Variants in TMEM132D observed in about 807,000 individuals in gnomAD.
TMEM132D encodes transmembrane protein 132D.
A neutral mutation model predicts 62.3 loss-of-function variants in TMEM132D; 21 were observed. The observed-to-expected ratio is 0.34, with a 90% CI of 0.24 to 0.49. TMEM132D has a LOEUF of 0.49. Ranked by LOEUF, TMEM132D falls within the 20% of genes least tolerant of loss-of-function variation. The pLI is 0.99. For synonymous variants in TMEM132D, 621 were observed against 575.6 expected (o/e 1.08, Z -1.13); for missense variants, 1,346 against 1,402.8 (o/e 0.96, Z 0.65).
At chr12:129,493,670 T>G (rs1366137124) in intron 3 of TMEM132D, among the ~76,000 whole-genome samples, 1 of 152,226 alleles carries the variant, frequency 6.6e-6, no homozygotes, top group African/African-American at 2.4e-5. Context: ...GGCTCTATTC[T>G]AAGCACAAGA....
chr12:129,805,089 T>A (rs1871935240), intron 1 of TMEM132D, among the ~76,000 whole-genome samples: 1 of 149,414 alleles, frequency 6.7e-6, no homozygotes, highest in Non-Finnish European at 1.5e-5. Flanking sequence ...GTAGGAAGAA[T>A]CAATATCGTG....
intron 3 of TMEM132D, among the ~76,000 whole-genome samples, chr12:129,475,587 G>T (rs925085467): frequency 8.5e-5 from 13 of 152,204 alleles, no homozygotes; most frequent in Non-Finnish European, 1.5e-5. Context: ...CAAATATTTT[G>T]TTTTGCCTTC....
chr12:129,787,507 A>C (rs1871276985), intron 1 of TMEM132D, among the ~76,000 whole-genome samples: 1 of 152,222 alleles, frequency 6.6e-6, no homozygotes, highest in Non-Finnish European at 1.5e-5. Flanking sequence ...ATCTACAGAA[A>C]GAGCGAAGTT....
rs145794212 is a variant in TMEM132D at position 129,302,166 on chromosome 12, G to A, written c.1299+35468C>T. Among the ~76,000 whole-genome samples the A allele has an allele frequency of 3.0e-3, 458 of 152,320 alleles. 1 individual carries two copies. Among genetic ancestry groups the A allele is most frequent in the Middle Eastern group, 6.8e-3 (2 of 294 alleles). ...AGTCTTGCTCTCTTGCCAGGCTGGC[G>A]TGCAATGGCATGATCTCGGCTCACT... On this transcript the variant is annotated intron_variant, in intron 4 of 8. Transcript: ENST00000422113.
chr12:129,078,460 C>T (rs528746524), intron 8 of TMEM132D, 74 bp downstream of exon 8: 67 of 1,478,034 alleles, frequency 4.5e-5, no homozygotes, highest in Admixed American at 1.4e-4. Context: ...ACCCGCCTGG[C>T]GTGGTGCCTG....
In TMEM132D at chr12:129,646,800, A is replaced by ATTT. The variant is rs35593697; in HGVS notation, c.968+53007_968+53009dup. On this transcript the variant is annotated intron_variant, in intron 2 of 8. Coordinates refer to ENST00000422113, the MANE Select transcript of TMEM132D (RefSeq NM_133448.3). The stretch of plus-strand genomic sequence containing the variant: ...ATAAACACACATATAAATAACATGC[A>ATTT]TTTTTTTTTTTTTTTTGATATGGAG... Among the ~76,000 whole-genome samples, 138 of 135,758 alleles carry ATTT rather than the reference A, an allele frequency of 1.0e-3. 2 individuals are homozygous for ATTT. The highest frequency in any genetic ancestry group is 2.9e-3 in the African/African-American group (107 of 36,904). The allele number at this position is 135,758 out of a possible 152,430, so 89.1% of individuals were successfully genotyped here.
chr12:129,654,498 C>T (rs965395004), intron 2 of TMEM132D, among the ~76,000 whole-genome samples: 7 of 152,122 alleles, frequency 4.6e-5, no homozygotes, highest in African/African-American at 1.7e-4. Context: ...TTTCTTCCCC[C>T]CTAATAACCA....
intron 1 of TMEM132D, among the ~76,000 whole-genome samples, chr12:129,805,766 T>C (rs1372368774): frequency 6.7e-6 from 1 of 148,732 alleles, no homozygotes; most frequent in Admixed American, 6.7e-5. Flanking sequence ...ACCTACAGAA[T>C]GGGAGAAAAT....
intron 4 of TMEM132D, among the ~76,000 whole-genome samples, chr12:129,320,110 G>A (rs1464593098): frequency 6.6e-6 from 1 of 152,180 alleles, no homozygotes; most frequent in Non-Finnish European, 1.5e-5. Context: ...TCCAAAAAGA[G>A]TCACAGAGAG....
chr12:129,114,110 C>T (rs1875811138), intron 5 of TMEM132D, among the ~76,000 whole-genome samples: 2 of 152,172 alleles, frequency 1.3e-5, no homozygotes, highest in Non-Finnish European at 2.9e-5. Context: ...GTTGTCCATG[C>T]ATAGAAGGTA....
intron 3 of TMEM132D, among the ~76,000 whole-genome samples, chr12:129,414,908 A>G (rs1872071402): frequency 6.6e-6 from 1 of 152,164 alleles, no homozygotes; most frequent in Admixed American, 6.5e-5. Context: ...CATATAGGTG[A>G]GATCATGCCG....
chr12:129,340,501 C>T (rs899027474), intron 3 of TMEM132D, among the ~76,000 whole-genome samples: 6 of 150,432 alleles, frequency 4.0e-5, no homozygotes, highest in African/African-American at 1.5e-4. Flanking sequence ...TGTTCCCCTT[C>T]CTGTGTCCAT....
chr12:129,572,845 G>A (rs2137120710), intron 2 of TMEM132D, among the ~76,000 whole-genome samples: 1 of 152,184 alleles, frequency 6.6e-6, no homozygotes, highest in Non-Finnish European at 1.5e-5. Context: ...TCTGAGGAAA[G>A]CCAATTTCGT....
chr12:129,793,670 T>C (rs1262451090), intron 1 of TMEM132D, among the ~76,000 whole-genome samples: 1 of 152,204 alleles, frequency 6.6e-6, no homozygotes, highest in Non-Finnish European at 1.5e-5. Flanking sequence ...CTAGCCAGGA[T>C]AGGAATATTT....
At chr12:129,358,393 A>G (rs2135672818) in intron 3 of TMEM132D, among the ~76,000 whole-genome samples, 1 of 152,302 alleles carries the variant, frequency 6.6e-6, no homozygotes, top group African/African-American at 2.4e-5. Flanking sequence ...GTGGCCTGGG[A>G]CTGGCTCCTG....
rs533739560 is a variant in TMEM132D at position 129,537,920 on chromosome 12, A to C, written c.969-6715T>G. Among the ~76,000 whole-genome samples the C allele has an allele frequency of 2.8e-5, 3 of 105,834 alleles. No homozygotes were observed. The South Asian group carries it at 1.1e-3, about 39-fold the overall frequency. The allele number at this position is 105,834 out of a possible 152,430, so 69.4% of individuals were successfully genotyped here. A position where few individuals can be genotyped will look rare whatever the true frequency, so the allele number is the denominator to read the frequency against. On this transcript the variant is annotated intron_variant, in intron 2 of 8. Transcript: ENST00000422113. ...GCCTGTCATTAATTAGAAAGCACAAAATACACTAACGTTGAAAACTCAAAA... is the reference window on the plus strand; with the variant it reads ...GCCTGTCATTAATTAGAAAGCACAACATACACTAACGTTGAAAACTCAAAA...
intron 3 of TMEM132D, among the ~76,000 whole-genome samples, chr12:129,374,890 T>G (rs1174116589): frequency 6.6e-6 from 1 of 152,106 alleles, no homozygotes; most frequent in Non-Finnish European, 1.5e-5. Context: ...TTAAGGTCAC[T>G]CCTTGGAGAA....
At position 129,209,663 on chromosome 12, in the gene TMEM132D, C is replaced by G; in HGVS notation, c.1300G>C (p.Glu434Gln). The change falls in exon 5 of 9, where the codon GAG becomes CAG. Residue 434 changes from glutamate to glutamine, a missense_variant and splice_region_variant. Physicochemically the swap from Glu to Gln is conservative, Grantham distance 29. Transcript: ENST00000422113. Reference protein sequence around the residue: ...DLIGVVPLAMEAEILNTAILT... With the variant: ...DLIGVVPLAMQAEILNTAILT... The stretch of plus-strand genomic sequence containing the variant: ...ATGGCTGTGTTCAGGATTTCTGCCT[C>G]CTGGAAGACCAAACACACCCTTCCA... 1 of 1,614,126 alleles carries G rather than the reference C, an allele frequency of 6.2e-7. No individual in the cohort carries two copies. The highest frequency in any genetic ancestry group is 8.5e-7 in the Non-Finnish European group (1 of 1,179,976).
intron 1 of TMEM132D, among the ~76,000 whole-genome samples, chr12:129,774,500 G>GC (rs1397425973): frequency 1.3e-5 from 2 of 152,188 alleles, no homozygotes; most frequent in Non-Finnish European, 2.9e-5. Context: ...CAGGTGGGGG[G>GC]CCCGTTGCAA....
Sources: allele counts gnomAD v4.1 joint callset (sites outside exome capture counted in the v4.1 genomes callset), GRCh38; gene constraint gnomAD v4.1.1; transcripts MANE v1.5; gene names NCBI Gene and HGNC (gene_info 2026-07-23, HGNC 2026-07-21).